NCOR2: variants seen among roughly 807,000 people sequenced by gnomAD.
NCOR2 encodes nuclear receptor corepressor 2.
NCOR2 carries 81 observed loss-of-function variants against 262.9 expected under a neutral mutation model. The ratio of observed to expected loss-of-function variants is 0.31; its 90% confidence interval spans 0.26 to 0.37. The LOEUF is 0.37. Ranked by LOEUF, NCOR2 falls within the 10% of genes least tolerant of loss-of-function variation. The pLI, the probability that NCOR2 is intolerant of heterozygous loss-of-function variation, is 1.00. For synonymous variants in NCOR2, 1,659 were observed against 1,559.3 expected (o/e 1.06, Z -1.51); for missense variants, 3,385 against 3,621.4 (o/e 0.93, Z 1.68).
At position 124,379,110 on chromosome 12, in the gene NCOR2, C is replaced by T. The variant is rs923576833; in HGVS notation, c.2020-726G>A. Among the ~76,000 whole-genome samples, 5 of 35,148 alleles carry T rather than the reference C, an allele frequency of 1.4e-4. 1 individual carries two copies. The highest frequency in any genetic ancestry group is 1.3e-3 in the Admixed American group (4 of 3,010). The allele number at this position is 35,148 out of a possible 152,430, so 23.1% of individuals were successfully genotyped here. A position where few individuals can be genotyped will look rare whatever the true frequency, so the allele number is the denominator to read the frequency against. ...TGACATTTGAGCCAAGATTTGACGG[C>T]GGAGGGAATGGGCCAGGCCAGGCTC... On this transcript the variant is annotated intron_variant, in intron 17 of 46. Transcript: ENST00000405201.
At chr12:124,494,350 C>G (rs1008012778) in intron 1 of NCOR2, among the ~76,000 whole-genome samples, 1 of 152,218 alleles carries the variant, frequency 6.6e-6, no homozygotes, top group African/African-American at 2.4e-5. Context: ...GCCCACAACT[C>G]TGAAAGCCGC....
chr12:124,500,199 C>T (rs1047509938), upstream of NCOR2, among the ~76,000 whole-genome samples: 1 of 152,106 alleles, frequency 6.6e-6, no homozygotes, highest in Non-Finnish European at 1.5e-5. Flanking sequence ...CCCAAGCAGG[C>T]CTCTGCACAT....
intron 4 of NCOR2, among the ~76,000 whole-genome samples, chr12:124,469,554 C>A (rs941892163): frequency 5.3e-5 from 8 of 152,172 alleles, no homozygotes; most frequent in Non-Finnish European, 8.8e-5. Flanking sequence ...ACCTGGGACA[C>A]CTACAGAGAC....
upstream of NCOR2, chr12:124,539,459 C>A (rs959225619): frequency 2.0e-5 from 3 of 152,708 alleles, no homozygotes; most frequent in African/African-American, 7.2e-5. The surrounding 1 kb of genome is among the most constrained non-coding windows in gnomAD (Gnocchi z 5.1). Context: ...TCCCACGCTC[C>A]CCCTCACCCT....
At chr12:124,452,330 C>A (rs1275960556) in intron 6 of NCOR2, among the ~76,000 whole-genome samples, 1 of 152,200 alleles carries the variant, frequency 6.6e-6, no homozygotes, top group Non-Finnish European at 1.5e-5. Context: ...TCCCCACATG[C>A]CAATCAAATG....
In NCOR2 at chr12:124,384,723, A is replaced by T. The variant is rs2040664967; in HGVS notation, c.2019+1022T>A. 3.9e-5 allele frequency among the ~76,000 whole-genome samples: 6 copies of T among 152,060 alleles called. 2 individuals are homozygous for T. In the South Asian group the frequency reaches 1.2e-3, roughly 32 times the overall value. ...CTCTGGGCCTCAGCAGGTTGCACTG[A>T]GGGAGCAATTCAGCATGGCCTGCCC... On this transcript the variant is annotated intron_variant, in intron 17 of 46. Transcript: ENST00000405201.
chr12:124,452,516 G>A (rs1203303758), intron 6 of NCOR2, among the ~76,000 whole-genome samples: 2 of 152,248 alleles, frequency 1.3e-5, no homozygotes, highest in Non-Finnish European at 2.9e-5. Flanking sequence ...CCTACTTCAC[G>A]GAAATTTTGG....
chr12:124,491,701 T>C (rs917738571), intron 1 of NCOR2, among the ~76,000 whole-genome samples: 1 of 152,184 alleles, frequency 6.6e-6, no homozygotes, highest in African/African-American at 2.4e-5. Flanking sequence ...AGAATGCAGC[T>C]GGGCCACAGA....
intron 37 of NCOR2, 48 bp from the exon 40 acceptor site, chr12:124,337,228 T>C: frequency 6.5e-7 from 1 of 1,536,244 alleles, no homozygotes; most frequent in Non-Finnish European, 8.8e-7. Context: ...GCTGCCCTCT[T>C]CCTCCACCAC....
At chr12:124,540,455 A>T (rs1594033730), upstream of NCOR2, among the ~76,000 whole-genome samples, 1 of 49,402 alleles carries the variant, frequency 2.0e-5, no homozygotes, top group Non-Finnish European at 3.7e-5. Flanking sequence ...CTGGAGGGGG[A>T]TGGAGGTGGA....
intron 1 of NCOR2, among the ~76,000 whole-genome samples, chr12:124,494,840 A>G (rs971044229): frequency 5.9e-5 from 9 of 152,210 alleles, no homozygotes; most frequent in African/African-American, 1.2e-4. Flanking sequence ...GCTGCAGGAA[A>G]GTGAATACAG....
intron 1 of NCOR2, chr12:124,518,331 CA>C (rs2049953717): frequency 1.3e-5 from 2 of 152,444 alleles, no homozygotes; most frequent in South Asian, 4.1e-4. Flanking sequence ...TCCAGGATGA[CA>C]CCCGCAGAGG....
At chr12:124,372,687 C>T (rs1443432701) in intron 19 of NCOR2, 77 bp from the exon 22 acceptor site, 13 of 1,320,400 alleles carry the variant, frequency 9.8e-6, no homozygotes, top group East Asian at 4.7e-5. Context: ...CCCTGACCCT[C>T]CGGATGAGGC....
Position 124,372,111 on chromosome 12 carries a change from GGC to G in NCOR2, c.2716_2717del (p.Ala906GlnfsTer22). ...TGTCCTGGGGGGCGCCCGAGCTCTT[GGC>G]TGTGGTGGCCCTGCCGCTCCCGCCC... On this transcript the variant is annotated frameshift_variant, in exon 20 of 47. Coordinates refer to ENST00000405201, the Ensembl canonical transcript of NCOR2. LOFTEE classifies it high-confidence loss of function. 1 of 1,602,758 alleles carries G rather than the reference GGC, an allele frequency of 6.2e-7. No homozygotes were observed. Among genetic ancestry groups the G allele is most frequent in the Non-Finnish European group, 8.5e-7 (1 of 1,179,712 alleles).
chr12:124,446,668 A>G (rs777238348), intron 7 of NCOR2, among the ~76,000 whole-genome samples: 2 of 152,090 alleles, frequency 1.3e-5, no homozygotes, highest in Non-Finnish European at 2.9e-5. Context: ...TTTCTCTCCC[A>G]TTACCCCACT....
chr12:124,539,532 C>G (rs779739329), upstream of NCOR2: 1 of 152,400 alleles, frequency 6.6e-6, no homozygotes, highest in Non-Finnish European at 1.5e-5. The surrounding 1 kb of genome is among the most constrained non-coding windows in gnomAD (Gnocchi z 5.1). Context: ...CTCAGTCCAC[C>G]CACAGCTGGA....
intron 20 of NCOR2, among the ~76,000 whole-genome samples, chr12:124,365,182 G>A (rs1187548510): frequency 3.3e-5 from 5 of 152,212 alleles, no homozygotes; most frequent in South Asian, 2.1e-4. Flanking sequence ...CATGGCAGGC[G>A]TGAGGGCAGC....
exon 14 of NCOR2, chr12:124,402,455 T>A: frequency 9.9e-6 from 16 of 1,613,480 alleles, no homozygotes; most frequent in Non-Finnish European, 1.4e-5. Context: ...CTCCTCCTTC[T>A]CCGCCTCCTT....
At chr12:124,494,738 G>A (rs1322537848) in intron 1 of NCOR2, among the ~76,000 whole-genome samples, 4 of 152,226 alleles carry the variant, frequency 2.6e-5, no homozygotes, top group East Asian at 1.9e-4. Context: ...AGGAAGGAAG[G>A]GGAGCTGTGA....
Sources: allele counts gnomAD v4.1 joint callset (sites outside exome capture counted in the v4.1 genomes callset), GRCh38; gene constraint gnomAD v4.1.1; non-coding constraint Gnocchi (gnomAD v3.1); transcripts MANE v1.5; gene names NCBI Gene and HGNC (gene_info 2026-07-23, HGNC 2026-07-21).